Variants in SYT6 observed in about 807,000 individuals in gnomAD.
SYT6 encodes the protein synaptotagmin 6, also known as synaptotagmin-6.
In SYT6, 24 loss-of-function variants were observed where a neutral mutation model predicts 38.4. The observed-to-expected ratio is 0.62, with a 90% confidence interval of 0.45 to 0.88. The LOEUF (loss-of-function observed/expected upper bound fraction) is 0.88. Ranked by LOEUF, SYT6 falls within the 40% of genes least tolerant of loss-of-function variation. The pLI, the probability that SYT6 is intolerant of heterozygous loss-of-function variation, is 0.00. For synonymous variants in SYT6, 265 were observed against 241.9 expected, an observed-to-expected ratio of 1.10 and a Z score of -0.89; for missense variants, 611 against 621.0, an observed-to-expected ratio of 0.98 and a Z score of 0.17.
At chr1:114,093,859 T>C (rs1675469425) in intron 6 of SYT6, 56 bp from the exon 7 acceptor site, 23 of 1,539,296 alleles carry the variant, frequency 1.5e-5, no homozygotes, top group Non-Finnish European at 2.0e-5. Context: ...CTGTGGCTTC[T>C]GACTCAAGTG....
intron 3 of SYT6, among the ~76,000 whole-genome samples, chr1:114,125,630 C>T (rs910074132): frequency 6.6e-6 from 1 of 152,000 alleles, no homozygotes; most frequent in African/African-American, 2.4e-5. Flanking sequence ...CTGTAGAGAC[C>T]AAATTTTTCT....
In SYT6 at chr1:114,132,157, G is replaced by T. The variant is rs201738212; in HGVS notation, c.1071+5338C>A. ...ACATGGCAAAGCAGGTTGTGCCCTT[G>T]GCAGCTAGCAGGAGCTCAATAAGTA... On this transcript the variant is annotated intron_variant, in intron 3 of 7. Transcript: ENST00000610222. 2.4e-4 allele frequency among the ~76,000 whole-genome samples: 37 copies of T among 152,302 alleles called. No individual in the cohort carries two copies. In the East Asian group the frequency reaches 6.4e-3, roughly 26 times the overall value.
At chr1:114,097,605 A>G (rs1029192394) in intron 6 of SYT6, 122 bp downstream of exon 6, 1 of 1,207,086 alleles carries the variant, frequency 8.3e-7, no homozygotes, top group African/African-American at 1.5e-5. Flanking sequence ...CTGGGTAAGA[A>G]GCATGTGGCC....
intron 4 of SYT6, among the ~76,000 whole-genome samples, chr1:114,099,563 T>G (rs1287511749): frequency 1.3e-5 from 2 of 152,196 alleles, no homozygotes; most frequent in African/African-American, 2.4e-5. Context: ...CCGATAGGTA[T>G]GCAGTTCACA....
At chr1:114,122,933 G>C (rs778030409) in intron 3 of SYT6, among the ~76,000 whole-genome samples, 1 of 152,132 alleles carries the variant, frequency 6.6e-6, no homozygotes, top group African/African-American at 2.4e-5. Context: ...ATGCCTGTCC[G>C]GGCCCTGCCC....
In SYT6 at chr1:114,091,912, G is replaced by T; in HGVS notation, c.*222C>A. 4 of 1,250,954 alleles carry T rather than the reference G, an allele frequency of 3.2e-6. No individual in the cohort carries two copies. Among genetic ancestry groups the T allele is most frequent in the African/African-American group, 1.5e-5 (1 of 67,398 alleles). 77.5% of individuals were successfully genotyped at this position (1,250,954 alleles called of 1,614,324 possible). ...GACTCTGGAGTGACGGACGGCTGCC[G>T]CTGCTGCCGCCACTGCGACTGCACA... On this transcript the variant is annotated 3_prime_UTR_variant, in exon 8 of 8. Transcript: ENST00000610222.
At chr1:114,132,988 A>T (rs1196048473) in intron 3 of SYT6, among the ~76,000 whole-genome samples, 1 of 152,188 alleles carries the variant, frequency 6.6e-6, no homozygotes, top group African/African-American at 2.4e-5. Context: ...CTCCTTCTGC[A>T]CAACTCTGCT....
At chr1:114,112,260 G>C (rs1676730480) in intron 3 of SYT6, among the ~76,000 whole-genome samples, 1 of 152,202 alleles carries the variant, frequency 6.6e-6, no homozygotes, top group Non-Finnish European at 1.5e-5. Flanking sequence ...TGGAGCAGCG[G>C]TGCACGGAGG....
chr1:114,149,217 T>TTG (rs879834403), intron 1 of SYT6, among the ~76,000 whole-genome samples: 2,090 of 38,010 alleles, frequency 0.055, 85 homozygotes, highest in Admixed American at 0.28. Context: ...GAGAGAGAGA[T>TTG]TGTGTGTGTG....
rs1014005432 is a variant in SYT6 at position 114,137,780 on chromosome 1, A to G, written c.786T>C (p.Cys262=). Residue 262 remains cysteine, a synonymous_variant, in exon 3 of 8, where the codon TGT becomes TGC. Coordinates refer to ENST00000610222, the MANE Select transcript of SYT6 (RefSeq NM_001253772.2). Reference sequence around the variant, plus strand: ...TCTTGACATAAGGGTCAGAGCTTCCACAAAAGTCCTTGGCAGGGAGGTCAA... The same window carrying G: ...TCTTGACATAAGGGTCAGAGCTTCCGCAAAAGTCCTTGGCAGGGAGGTCAA... ...KAFDLPAKDF[C]GSSDPYVKIY... is the part of the protein sequence containing the mutation. 1.2e-5 allele frequency: 19 copies of G among 1,614,138 alleles called. No homozygotes were observed. Among genetic ancestry groups the G allele is most frequent in the Non-Finnish European group, 1.6e-5 (19 of 1,180,028 alleles).
intron 3 of SYT6, among the ~76,000 whole-genome samples, chr1:114,108,264 A>G (rs565214334): frequency 1.3e-5 from 2 of 152,174 alleles, no homozygotes; most frequent in East Asian, 1.9e-4. Context: ...AGGCTCACCT[A>G]TCTATAGCAC....
intron 3 of SYT6, among the ~76,000 whole-genome samples, chr1:114,136,031 C>A (rs143820065): frequency 2.0e-5 from 3 of 152,116 alleles, no homozygotes; most frequent in African/African-American, 7.2e-5. Context: ...GCTGGCCAGC[C>A]GGCTACTTAT....
At chr1:114,093,001 A>G (rs779887369) in intron 7 of SYT6, among the ~76,000 whole-genome samples, 3 of 152,210 alleles carry the variant, frequency 2.0e-5, no homozygotes, top group Non-Finnish European at 4.4e-5. Flanking sequence ...ACAGAGCTCC[A>G]GAGTTAAGAG....
intron 3 of SYT6, among the ~76,000 whole-genome samples, chr1:114,108,313 A>G (rs1676453306): frequency 6.6e-6 from 1 of 152,202 alleles, no homozygotes; most frequent in Non-Finnish European, 1.5e-5. Flanking sequence ...CCCATCTGCA[A>G]CAACTGATTA....
At chr1:114,116,094 T>G (rs1009976930) in intron 3 of SYT6, among the ~76,000 whole-genome samples, 1 of 152,202 alleles carries the variant, frequency 6.6e-6, no homozygotes, top group East Asian at 1.9e-4. Context: ...CCTGCCTCTC[T>G]TGAAAGAAGA....
intron 3 of SYT6, among the ~76,000 whole-genome samples, chr1:114,121,177 A>T (rs74112939): frequency 0.026 from 3,889 of 152,266 alleles, 151 homozygotes; most frequent in African/African-American, 0.088. Flanking sequence ...TCCTACTCCT[A>T]ACATCTCAGA....
chr1:114,099,364 T>A, intron 4 of SYT6, 99 bp from the exon 5 acceptor site: 1 of 1,254,428 alleles, frequency 8.0e-7, no homozygotes, highest in Non-Finnish European at 1.1e-6. Context: ...GACCTACTGC[T>A]GCTCATCAGA....
At chr1:114,092,748 G>A (rs10494166) in intron 7 of SYT6, among the ~76,000 whole-genome samples, 56,129 of 151,936 alleles carry the variant, frequency 0.37, 10,829 homozygotes, top group East Asian at 0.53. Flanking sequence ...GTAATGAGGC[G>A]TAATGGAGTG....
intron 5 of SYT6, among the ~76,000 whole-genome samples, 159 bp from the exon 6 acceptor site, chr1:114,098,036 T>A (rs528935279): frequency 6.6e-6 from 1 of 152,172 alleles, no homozygotes; most frequent in Non-Finnish European, 1.5e-5. Flanking sequence ...TCAGTGGCGG[T>A]GAAGCCTTTG....
Sources: gnomAD v4.1 joint callset for allele counts (sites outside exome capture counted in the v4.1 genomes callset) on GRCh38, gnomAD v4.1.1 for gene constraint, MANE v1.5 for transcripts, NCBI Gene and HGNC (gene_info 2026-07-23, HGNC 2026-07-21) for gene names.